The following BNC2 variants were observed in gnomAD, a reference collection of about 807,000 sequenced individuals.
BNC2 encodes zinc finger protein basonuclin-2.
BNC2 carries 20 observed loss-of-function variants against 76.3 expected under a neutral mutation model. The ratio of observed to expected loss-of-function variants is 0.26; its 90% CI spans 0.18 to 0.38. The LOEUF is 0.38. Among genes scored for constraint, BNC2 ranks in the 10% least tolerant of loss-of-function variants. BNC2 has a pLI of 1.00. For missense variants in BNC2, 1,382 were observed against 1,399.8 expected (o/e 0.99, Z 0.20); for synonymous variants, 582 against 514.8 (o/e 1.13, Z -1.77).
chr9:16,573,893 G>A, intron 4 of BNC2, among the ~76,000 whole-genome samples: 1 of 152,192 alleles, frequency 6.6e-6, no homozygotes, highest in East Asian at 1.9e-4. Flanking sequence ...GAAATGGGAT[G>A]TATAAACAAC....
At chr9:16,459,366 C>G (rs1457692332) in intron 5 of BNC2, among the ~76,000 whole-genome samples, 2 of 152,078 alleles carry the variant, frequency 1.3e-5, no homozygotes. Flanking sequence ...GTAAGTAATG[C>G]TCTTAGGGTC....
intron 5 of BNC2, among the ~76,000 whole-genome samples, chr9:16,457,893 T>C (rs749270633): frequency 6.6e-6 from 1 of 152,144 alleles, no homozygotes; most frequent in Non-Finnish European, 1.5e-5. Context: ...TTGTTTCAGA[T>C]GCACTAGTGT....
intron 5 of BNC2, among the ~76,000 whole-genome samples, chr9:16,529,909 C>T (rs1247291506): frequency 6.6e-6 from 1 of 152,112 alleles, no homozygotes; most frequent in Non-Finnish European, 1.5e-5. Flanking sequence ...AGAGCAGTGG[C>T]ATGATCGCGG....
At chr9:16,455,753 T>C (rs547541030) in intron 5 of BNC2, among the ~76,000 whole-genome samples, 143 of 151,150 alleles carry the variant, frequency 9.5e-4, no homozygotes, top group Non-Finnish European at 1.4e-3. Flanking sequence ...GATTGCACCA[T>C]TGCACTCCAG....
At chr9:16,725,217 T>TCACACA (rs4007689) in intron 3 of BNC2, among the ~76,000 whole-genome samples, 12,247 of 148,146 alleles carry the variant, frequency 0.083, 770 homozygotes, top group East Asian at 0.37. Flanking sequence ...TCTCTCTCTC[T>TCACACA]CACACACACA....
At chr9:16,785,661 G>C (rs1826270968) in intron 1 of BNC2, among the ~76,000 whole-genome samples, 1 of 150,294 alleles carries the variant, frequency 6.7e-6, no homozygotes, top group Admixed American at 6.7e-5. Context: ...GCCTCCCAAA[G>C]TGCTGGGATG....
chr9:16,798,535 G>T (rs1817708721), intron 1 of BNC2, among the ~76,000 whole-genome samples: 1 of 152,146 alleles, frequency 6.6e-6, no homozygotes, highest in African/African-American at 2.4e-5. Context: ...GCAGTCTCTT[G>T]ACTCCAAACA....
intron 4 of BNC2, among the ~76,000 whole-genome samples, chr9:16,560,317 C>T (rs1818970796): frequency 6.6e-6 from 1 of 152,152 alleles, no homozygotes; most frequent in African/African-American, 2.4e-5. Flanking sequence ...ATCAGATTAG[C>T]AGACTGTAAG....
At chr9:16,866,332 T>C (rs1819541899) in intron 1 of BNC2, among the ~76,000 whole-genome samples, 1 of 152,058 alleles carries the variant, frequency 6.6e-6, no homozygotes, top group Non-Finnish European at 1.5e-5. Context: ...AATTTCTCTC[T>C]GGAATACAGA....
intron 5 of BNC2, among the ~76,000 whole-genome samples, chr9:16,470,075 G>A (rs1368529333): frequency 7.0e-6 from 1 of 142,256 alleles, no homozygotes; most frequent in African/African-American, 2.7e-5. Context: ...TTGGCTCACT[G>A]CAAGCTCTGC....
chr9:16,457,842 G>C (rs1488065945), intron 5 of BNC2, among the ~76,000 whole-genome samples: 2 of 152,208 alleles, frequency 1.3e-5, no homozygotes, highest in Non-Finnish European at 2.9e-5. Flanking sequence ...AAAGAGGGCA[G>C]TCTCAGGCCT....
intron 1 of BNC2, among the ~76,000 whole-genome samples, chr9:16,823,934 T>A (rs1284827885): frequency 6.6e-6 from 1 of 152,254 alleles, no homozygotes; most frequent in East Asian, 1.9e-4. Context: ...TGTGACCTTA[T>A]AAGATGCCTA....
intron 3 of BNC2, among the ~76,000 whole-genome samples, chr9:16,633,523 T>C (rs1441528371): frequency 6.6e-6 from 1 of 152,192 alleles, no homozygotes; most frequent in Non-Finnish European, 1.5e-5. Flanking sequence ...CTCAAATAAC[T>C]TTTTTTGGTA....
At chr9:16,679,965 T>C (rs899184515) in intron 3 of BNC2, among the ~76,000 whole-genome samples, 3 of 152,180 alleles carry the variant, frequency 2.0e-5, no homozygotes, top group Non-Finnish European at 2.9e-5. Flanking sequence ...TCCACAGGGA[T>C]CTGTTTGGTT....
At chr9:16,480,628 G>C (rs28704646) in intron 5 of BNC2, among the ~76,000 whole-genome samples, 15,400 of 152,272 alleles carry the variant, frequency 0.1, 1,277 homozygotes, top group African/African-American at 0.22. Context: ...TGCTGGACCG[G>C]GCAATGAGGG....
At chr9:16,497,671 A>T (rs1563810825) in intron 5 of BNC2, among the ~76,000 whole-genome samples, 2 of 152,186 alleles carry the variant, frequency 1.3e-5, no homozygotes, top group Admixed American at 1.3e-4. Context: ...TGGCTAAGAA[A>T]AAAGGGTAAA....
chr9:16,757,723 A>AG (rs57064669), intron 1 of BNC2, among the ~76,000 whole-genome samples: 68,147 of 100,142 alleles, frequency 0.68, 20,472 homozygotes, highest in Non-Finnish European at 0.75. Flanking sequence ...GATTTTAAAA[A>AG]GAAAAAAAAA....
At chr9:16,484,311 T>G (rs1822116800) in intron 5 of BNC2, among the ~76,000 whole-genome samples, 1 of 152,158 alleles carries the variant, frequency 6.6e-6, no homozygotes, top group Non-Finnish European at 1.5e-5. Flanking sequence ...CACTGGAAAA[T>G]GTACAGCCAG....
At chr9:16,766,666 C>T (rs1476546232) in intron 1 of BNC2, among the ~76,000 whole-genome samples, 2 of 152,162 alleles carry the variant, frequency 1.3e-5, no homozygotes, top group Non-Finnish European at 2.9e-5. Context: ...TTCTCCAGAC[C>T]ACAAAAATTA....
Sources: gnomAD v4.1 joint callset for allele counts (sites outside exome capture counted in the v4.1 genomes callset) on GRCh38, gnomAD v4.1.1 for gene constraint, MANE v1.5 for transcripts, NCBI Gene and HGNC (gene_info 2026-07-23, HGNC 2026-07-21) for gene names.